Variants in SORT1 observed in about 807,000 individuals in gnomAD.
SORT1 encodes the protein sortilin.
In SORT1, 39 loss-of-function variants were observed where a neutral mutation model predicts 101.7. The observed-to-expected ratio is 0.38, with a 90% CI of 0.30 to 0.50. SORT1 has a LOEUF of 0.50. Among genes scored for constraint, SORT1 ranks in the 20% least tolerant of loss-of-function variants. SORT1 has a pLI of 0.90. For missense variants in SORT1, 878 were observed against 1,040.4 expected, an observed-to-expected ratio of 0.84 and a Z score of 2.15; for synonymous variants, 396 against 393.7, an observed-to-expected ratio of 1.01 and a Z score of -0.07.
At chr1:109,332,233 T>A (rs1296603011) in intron 11 of SORT1, among the ~76,000 whole-genome samples, 1 of 152,180 alleles carries the variant, frequency 6.6e-6, no homozygotes, top group Admixed American at 6.5e-5. Flanking sequence ...CGTTAATTCA[T>A]CAGATGTTTA....
chr1:109,390,800 C>G (rs2115786), intron 1 of SORT1, among the ~76,000 whole-genome samples: 2 of 128,228 alleles, frequency 1.6e-5, no homozygotes, highest in South Asian at 2.3e-4. Context: ...TGTGTGTGTG[C>G]GCGCGCGCGT....
At chr1:109,353,118 G>C (rs1182034403) in intron 5 of SORT1, among the ~76,000 whole-genome samples, 1 of 152,046 alleles carries the variant, frequency 6.6e-6, no homozygotes, top group Non-Finnish European at 1.5e-5. Flanking sequence ...CTGAGGTCAG[G>C]AGTTCGAGAC....
Position 109,327,601 on chromosome 1 carries a change from A to G in SORT1, c.1372T>C (p.Cys458Arg), listed in dbSNP as rs1319458215. The G allele has an allele frequency of 1.3e-6, 2 of 1,575,712 alleles. No individual in the cohort carries two copies. Among genetic ancestry groups the G allele is most frequent in the Non-Finnish European group, 8.6e-7 (1 of 1,160,668 alleles). The stretch of plus-strand genomic sequence containing the variant: ...TAGGAAGCATGAATATGAAGGCTGC[A>G]CTGTGAAAAGAAACAAAAGCGTAGA... ...CDATAKNKNE[C>R]SLHIHASYSI... is the part of the protein sequence containing the mutation. The change falls in exon 12 of 20, where the codon TGC becomes CGC. Residue 458 changes from cysteine (C) to arginine (R), a missense_variant and splice_region_variant. Physicochemically the swap from Cys to Arg is radical, Grantham distance 180. Around this residue, in one of 2 missense-constraint regions of SORT1, gnomAD observed 684 missense variants for 894.5 expected, o/e 0.76. Transcript: ENST00000256637.
At chr1:109,321,816 T>C (rs1329447270) in intron 15 of SORT1, among the ~76,000 whole-genome samples, 1 of 152,220 alleles carries the variant, frequency 6.6e-6, no homozygotes, top group East Asian at 1.9e-4. Flanking sequence ...GCAGTTCCTC[T>C]TATTTGCCCA....
intron 8 of SORT1, among the ~76,000 whole-genome samples, chr1:109,343,242 T>C (rs2101584440): frequency 6.6e-6 from 1 of 152,334 alleles, no homozygotes; most frequent in African/African-American, 2.4e-5. Flanking sequence ...TTATCTGTAT[T>C]TACTGCCTAC....
intron 3 of SORT1, among the ~76,000 whole-genome samples, chr1:109,357,272 G>A (rs1047751755): frequency 6.6e-6 from 1 of 152,246 alleles, no homozygotes; most frequent in African/African-American, 2.4e-5. Context: ...GCACAATAAT[G>A]AAATCACCTA....
chr1:109,333,843 C>T (rs999651564), intron 11 of SORT1, among the ~76,000 whole-genome samples: 3 of 152,154 alleles, frequency 2.0e-5, no homozygotes, highest in African/African-American at 7.2e-5. Context: ...AAGAAATTTT[C>T]CTAGAAAATG....
chr1:109,353,135 G>C (rs1028279019), intron 5 of SORT1, among the ~76,000 whole-genome samples: 1 of 151,930 alleles, frequency 6.6e-6, no homozygotes, highest in Admixed American at 6.6e-5. Flanking sequence ...AGACCAGCCT[G>C]GCCAACATGG....
At position 109,351,062 on chromosome 1, in the gene SORT1, G is replaced by A. The variant is rs1193825700; in HGVS notation, c.709-60C>T. Reference sequence around the variant, plus strand: ...CTTTATCCTGTGTAGTTGCTTGTATGACCTTTAATATTTCATATCCAATCA... The same window carrying A: ...CTTTATCCTGTGTAGTTGCTTGTATAACCTTTAATATTTCATATCCAATCA... On this transcript the variant is annotated intron_variant, in intron 5 of 19. Coordinates refer to ENST00000256637, the MANE Select transcript of SORT1 (RefSeq NM_002959.7). The A allele has an allele frequency of 3.7e-6, 4 of 1,082,216 alleles. No homozygotes were observed. The East Asian group carries it at 7.1e-5, about 19-fold the overall frequency. 67.0% of individuals were successfully genotyped at this position (1,082,216 alleles called of 1,614,324 possible).
chr1:109,369,620 T>C (rs757536516), intron 1 of SORT1, 31 bp from the exon 2 acceptor site: 1 of 1,339,424 alleles, frequency 7.5e-7, no homozygotes, highest in South Asian at 1.2e-5. Flanking sequence ...AATTTAGAAA[T>C]GACAGCCACT....
At chr1:109,389,106 T>G (rs914472137) in intron 1 of SORT1, among the ~76,000 whole-genome samples, 2 of 152,226 alleles carry the variant, frequency 1.3e-5, no homozygotes, top group Non-Finnish European at 2.9e-5. Flanking sequence ...AGGGTTTGGC[T>G]CAAGGGCTGT....
At chr1:109,353,746 C>T (rs1570940648) in intron 5 of SORT1, among the ~76,000 whole-genome samples, 1 of 152,254 alleles carries the variant, frequency 6.6e-6, no homozygotes, top group African/African-American at 2.4e-5. Flanking sequence ...TATAGTCTAG[C>T]AACTCAGCCA....
intron 1 of SORT1, among the ~76,000 whole-genome samples, chr1:109,391,363 C>A (rs1252994372): frequency 6.6e-6 from 1 of 152,164 alleles, no homozygotes; most frequent in Non-Finnish European, 1.5e-5. Flanking sequence ...AATTTGGAAT[C>A]AGCCAGGAAA....
At chr1:109,369,779 G>T (rs1557816172) in intron 1 of SORT1, among the ~76,000 whole-genome samples, 190 bp from the exon 2 acceptor site, 3 of 152,062 alleles carry the variant, frequency 2.0e-5, no homozygotes, top group Non-Finnish European at 1.5e-5. Flanking sequence ...AAATAACTTG[G>T]AAATTTAAAT....
In SORT1 at chr1:109,354,481, A is replaced by G. The variant is rs11142; in HGVS notation, c.594T>C (p.Phe198=). The G allele has an allele frequency of 0.73, 1,179,375 of 1,612,478 alleles. 434,076 individuals carry two copies. Among genetic ancestry groups the G allele is most frequent in the East Asian group, 0.97 (43,549 of 44,862 alleles). ...AATTCTTCGCAAAATCTGATGATCTAAAGATTCTTCCTCCACGACTTCCTC... is the reference window on the plus strand; with the variant it reads ...AATTCTTCGCAAAATCTGATGATCTGAAGATTCTTCCTCCACGACTTCCTC... ...VSGGSRGGRI[F]RSSDFAKNFV... The change falls in exon 5 of 20, where the codon TTT becomes TTC. Residue 198 remains phenylalanine, a synonymous_variant. Transcript: ENST00000256637.
At position 109,327,058 on chromosome 1, in the gene SORT1, G is replaced by T. The variant is rs1648127190; in HGVS notation, c.1577C>A (p.Thr526Asn). 2 of 1,612,968 alleles carry T rather than the reference G, an allele frequency of 1.2e-6. No homozygotes were observed. Among genetic ancestry groups the T allele is most frequent in the Middle Eastern group, 1.9e-4 (1 of 5,248 alleles). Residue 526 changes from threonine to asparagine, a missense_variant, in exon 13 of 20, where the codon ACC (threonine) becomes AAC (asparagine). Thr to Asn is a moderately conservative substitution (Grantham distance 65). Around this residue, in one of 2 missense-constraint regions of SORT1, gnomAD observed 684 missense variants for 894.5 expected, o/e 0.76. Coordinates refer to ENST00000256637, the MANE Select transcript of SORT1 (RefSeq NM_002959.7). ...AATGATGCCTCCAGAATCCAGGATG[G>T]TGTAATAGTGGGGTCCTTCCAGCAT... ...TKMLEGPHYY[T>N]ILDSGGIIVA...
chr1:109,353,340 A>C (rs573580764), intron 5 of SORT1, among the ~76,000 whole-genome samples: 273 of 151,182 alleles, frequency 1.8e-3, no homozygotes, highest in Non-Finnish European at 2.3e-3. Flanking sequence ...AAAAAAAAAA[A>C]AAAAAAAAAA....
intron 5 of SORT1, among the ~76,000 whole-genome samples, chr1:109,353,305 G>A (rs1342038885): frequency 2.8e-5 from 4 of 140,996 alleles, no homozygotes; most frequent in South Asian, 2.2e-4. Context: ...TCCAGCCTGG[G>A]CAAGAAGAGC....
intron 11 of SORT1, among the ~76,000 whole-genome samples, chr1:109,331,104 C>G (rs369328407): frequency 6.9e-4 from 105 of 152,288 alleles, no homozygotes; most frequent in African/African-American, 2.5e-3. Context: ...TGGAACACTT[C>G]CAAACTCATT....
Sources: gnomAD v4.1 joint callset for allele counts (sites outside exome capture counted in the v4.1 genomes callset) on GRCh38, gnomAD v4.1.1 for gene constraint, gnomAD v4.1.1 regional missense constraint, MANE v1.5 for transcripts, NCBI Gene and HGNC (gene_info 2026-07-23, HGNC 2026-07-21) for gene names.